STS: variants seen among roughly 807,000 people sequenced by gnomAD.
STS encodes the protein steryl-sulfatase.
A neutral mutation model predicts 26.8 loss-of-function variants in STS; 7 were observed. The ratio of observed to expected loss-of-function variants is 0.26; its 90% CI spans 0.15 to 0.49. The LOEUF (loss-of-function observed/expected upper bound fraction) is 0.49, where lower values mean the gene tolerates loss of function less well. Among genes scored for constraint, STS ranks in the 20% least tolerant of loss-of-function variants. The probability of loss-of-function intolerance (pLI) is 0.98; values close to 1 mark genes in which losing one functional copy is unlikely to be tolerated. For missense variants in STS, 434 were observed against 465.6 expected, an observed-to-expected ratio of 0.93 and a Z score of 0.63; for synonymous variants, 199 against 189.4, an observed-to-expected ratio of 1.05 and a Z score of -0.42.
rs748768953 is a variant in STS at position 7,190,864 on chromosome X, T to A, written c.-133-16T>A. The A allele has an allele frequency of 2.3e-5, 5 of 217,299 alleles. No individual in the cohort carries two copies. Among genetic ancestry groups the A allele is most frequent in the Non-Finnish European group, 3.3e-5 (5 of 149,828 alleles). The allele number at this position is 217,299 out of a possible 1,213,427, so 17.9% of individuals were successfully genotyped here. A position where few individuals can be genotyped will look rare whatever the true frequency, so the allele number is the denominator to read the frequency against. Reference sequence around the variant, plus strand: ...TACCCAGCGTGTGATTATTCATCTTTTGAATGAATTCACAGGAAGAGCCCG... The same window carrying A: ...TACCCAGCGTGTGATTATTCATCTTATGAATGAATTCACAGGAAGAGCCCG... On this transcript the variant is annotated splice_polypyrimidine_tract_variant and intron_variant, in intron 1 of 10. Transcript: ENST00000674429.
chrX:7,340,857 G>A (rs979748376), intron 10 of STS, among the ~76,000 whole-genome samples: 2 of 111,383 alleles, frequency 1.8e-5, no homozygotes, highest in African/African-American at 3.3e-5. Context: ...ATACAATGGC[G>A]GGACGGATGG....
At chrX:7,248,303 C>T (rs1922983451) in intron 2 of STS, among the ~76,000 whole-genome samples, 1 of 112,154 alleles carries the variant, frequency 8.9e-6, no homozygotes. Flanking sequence ...CTGAAACAAA[C>T]AAGCTCCAGG....
intron 1 of STS, among the ~76,000 whole-genome samples, chrX:7,160,959 T>C (rs1933228969): frequency 9.0e-6 from 1 of 110,901 alleles, no homozygotes; most frequent in Non-Finnish European, 1.9e-5. Flanking sequence ...TTTCTTTTTG[T>C]TTTTTCTTTT....
chrX:7,204,677 C>G (rs1426573481), intron 2 of STS, among the ~76,000 whole-genome samples: 1 of 98,533 alleles, frequency 1.0e-5, no homozygotes, highest in East Asian at 3.2e-4. Context: ...TCCTTTTTTC[C>G]TCCTCACCTT....
intron 7 of STS, among the ~76,000 whole-genome samples, chrX:7,280,144 GCTAA>G (rs1305422601): frequency 1.2e-4 from 14 of 112,156 alleles, no homozygotes; most frequent in African/African-American, 4.2e-4. Flanking sequence ...TTGACTGGAT[GCTAA>G]CTGTGTGCTT....
At chrX:7,205,727 T>C (rs764911668) in intron 2 of STS, among the ~76,000 whole-genome samples, 1 of 104,516 alleles carries the variant, frequency 9.6e-6, no homozygotes, top group Non-Finnish European at 2.0e-5. Flanking sequence ...ATCATAGCAA[T>C]CTCTTCCTCC....
At chrX:7,229,433 T>A (rs1921959345) in intron 2 of STS, among the ~76,000 whole-genome samples, 1 of 111,716 alleles carries the variant, frequency 9.0e-6, no homozygotes, top group African/African-American at 3.3e-5. Flanking sequence ...TGAAGGGTCC[T>A]CTTTGTTTTC....
chrX:7,215,545 T>C (rs1341259363), intron 2 of STS, among the ~76,000 whole-genome samples: 1 of 111,145 alleles, frequency 9.0e-6, no homozygotes. Context: ...TTGGAATCTT[T>C]CCTGTTATCC....
rs759613256 is a variant in STS at position 7,312,112 on chromosome X, C to T, written c.1081+6929C>T. On this transcript the variant is annotated intron_variant, in intron 8 of 10. Transcript: ENST00000674429. ...ATACAATGTGAAGTCTGCACCCCAG[C>T]TGTACAGTTTTCTCCTCCTCTCTTC... 2.7e-5 allele frequency among the ~76,000 whole-genome samples: 3 copies of T among 112,220 alleles called. No individual in the cohort carries two copies. The Admixed American group carries it at 2.8e-4, about 11-fold the overall frequency.
intron 8 of STS, among the ~76,000 whole-genome samples, chrX:7,324,332 C>T (rs1601745858): frequency 9.1e-6 from 1 of 110,404 alleles, no homozygotes; most frequent in South Asian, 3.9e-4. Flanking sequence ...CAGATGAAAC[C>T]TCCACGTAGC....
At chrX:7,213,465 A>AGGCAGGCAGGAG (rs1449584870) in intron 2 of STS, among the ~76,000 whole-genome samples, 1 of 111,306 alleles carries the variant, frequency 9.0e-6, no homozygotes, top group Non-Finnish European at 1.9e-5. Flanking sequence ...TCGGTGGGAA[A>AGGCAGGCAGGAG]GGCAGGCAGG....
At chrX:7,335,286 T>G (rs1332415062) in intron 10 of STS, among the ~76,000 whole-genome samples, 2 of 112,545 alleles carry the variant, frequency 1.8e-5, no homozygotes, top group African/African-American at 6.5e-5. Flanking sequence ...CCTGACTTTT[T>G]AATGATTGCC....
At position 7,279,359 on chromosome X, in the gene STS, A is replaced by ATGTGTGTGTGTGTGTGTG. The variant is rs1375649455; in HGVS notation, c.943+3273_943+3274insGTGTGTGTGTGTGTGTGT. On this transcript the variant is annotated intron_variant, in intron 7 of 10. Coordinates refer to ENST00000674429, the MANE Select transcript of STS (RefSeq NM_001320752.2). ...TGTGTATGTGTGTGTGTGTGTGTGT[A>ATGTGTGTGTGTGTGTGTG]TATGTGTGTGTGTGTGTGTATATAT... is the stretch of plus-strand genomic sequence containing the variant. Among the ~76,000 whole-genome samples, 537 of 55,695 alleles carry ATGTGTGTGTGTGTGTGTG rather than the reference A, an allele frequency of 9.6e-3. 9 individuals are homozygous for ATGTGTGTGTGTGTGTGTG. Among genetic ancestry groups the ATGTGTGTGTGTGTGTGTG allele is most frequent in the African/African-American group, 0.025 (281 of 11,065 alleles). The allele number at this position is 55,695 out of a possible 115,157, so 48.4% of individuals were successfully genotyped here.
At chrX:7,311,664 A>T (rs780275772) in intron 8 of STS, among the ~76,000 whole-genome samples, 187 of 111,975 alleles carry the variant, frequency 1.7e-3, no homozygotes, top group Non-Finnish European at 3.0e-3. Context: ...CCTGGGCAAC[A>T]TAGTGAGACC....
intron 2 of STS, among the ~76,000 whole-genome samples, chrX:7,217,345 TC>T (rs770419183): frequency 2.6e-4 from 29 of 111,600 alleles, no homozygotes; most frequent in African/African-American, 9.4e-4. Context: ...AGGTTGAAGG[TC>T]CCCAGAGGTC....
intron 8 of STS, among the ~76,000 whole-genome samples, chrX:7,317,456 T>A (rs1254360304): frequency 9.4e-6 from 1 of 106,228 alleles, no homozygotes; most frequent in Non-Finnish European, 2.0e-5. Context: ...TATCTTTTGG[T>A]TTGTTTGTTT....
chrX:7,335,187 T>A (rs992657790), intron 10 of STS, among the ~76,000 whole-genome samples: 2 of 112,405 alleles, frequency 1.8e-5, no homozygotes, highest in African/African-American at 3.2e-5. Flanking sequence ...CGCCACACTG[T>A]CTTCCACAAT....
chrX:7,239,101 T>C (rs1042684991), intron 2 of STS, among the ~76,000 whole-genome samples: 16 of 111,698 alleles, frequency 1.4e-4, no homozygotes, highest in Non-Finnish European at 2.4e-4. Context: ...CCAGGTACTG[T>C]TGTATAGTCG....
chrX:7,181,389 A>G (rs145206495), intron 1 of STS, among the ~76,000 whole-genome samples: 2,722 of 112,692 alleles, frequency 0.024, 51 homozygotes, highest in African/African-American at 0.053. Flanking sequence ...GTCATTATGA[A>G]CACCTGGGTT....
Sources: gnomAD v4.1 joint callset for allele counts (sites outside exome capture counted in the v4.1 genomes callset) on GRCh38, gnomAD v4.1.1 for gene constraint, MANE v1.5 for transcripts, NCBI Gene and HGNC (gene_info 2026-07-23, HGNC 2026-07-21) for gene names.